The following ARSG variants were observed in gnomAD, a reference collection of about 807,000 sequenced individuals.
The protein encoded by ARSG is ASG.
Under a neutral mutation model 50.5 loss-of-function variants are expected in ARSG, and 37 were observed. That is an observed-to-expected ratio of 0.73 (90% CI 0.56 to 0.96). The LOEUF is 0.96. Among genes scored for constraint, ARSG ranks in the 50% least tolerant of loss-of-function variants. ARSG has a pLI of 0.00. For synonymous variants in ARSG, 225 were observed against 254.6 expected, an observed-to-expected ratio of 0.88 and a Z score of 1.11; for missense variants, 629 against 675.3, an observed-to-expected ratio of 0.93 and a Z score of 0.76.
intron 8 of ARSG, among the ~76,000 whole-genome samples, chr17:68,379,157 G>A (rs899038585): frequency 1.3e-5 from 2 of 152,210 alleles, no homozygotes; most frequent in Admixed American, 1.3e-4. Flanking sequence ...ATAGAGGCCA[G>A]GCCGCCCTGT....
At chr17:68,349,256 C>T (rs938165576) in intron 4 of ARSG, among the ~76,000 whole-genome samples, 1 of 151,850 alleles carries the variant, frequency 6.6e-6, no homozygotes, top group Non-Finnish European at 1.5e-5. Context: ...TGAGATTGCA[C>T]CACTCCAGCC....
At chr17:68,279,577 C>T (rs1413603790) in intron 1 of ARSG, among the ~76,000 whole-genome samples, 3 of 152,114 alleles carry the variant, frequency 2.0e-5, no homozygotes, top group Admixed American at 6.6e-5. Flanking sequence ...GCCTGTAGGG[C>T]CCCATCTGGA....
intron 2 of ARSG, among the ~76,000 whole-genome samples, chr17:68,334,349 T>G (rs2077917070): frequency 6.6e-6 from 1 of 152,188 alleles, no homozygotes; most frequent in Non-Finnish European, 1.5e-5. Flanking sequence ...AGCCTTGTTA[T>G]GTGGTACGAA....
intron 11 of ARSG, among the ~76,000 whole-genome samples, chr17:68,405,038 T>C (rs981569751): frequency 1.2e-4 from 18 of 152,278 alleles, no homozygotes; most frequent in Non-Finnish European, 1.8e-4. Flanking sequence ...TCATTAGTTA[T>C]ATGTCTATGT....
chr17:68,389,486 G>A (rs1326516770), intron 9 of ARSG, among the ~76,000 whole-genome samples: 2 of 152,042 alleles, frequency 1.3e-5, no homozygotes, highest in East Asian at 1.9e-4. Context: ...CACTTTTCTC[G>A]GGGATAATGA....
chr17:68,363,014 G>A (rs544288887), intron 6 of ARSG, among the ~76,000 whole-genome samples: 1 of 152,276 alleles, frequency 6.6e-6, no homozygotes, highest in Admixed American at 6.5e-5. Flanking sequence ...GGATTCAAAC[G>A]TGAATTAGAC....
At chr17:68,264,944 A>C (rs1264242512) in intron 1 of ARSG, among the ~76,000 whole-genome samples, 1 of 151,538 alleles carries the variant, frequency 6.6e-6, no homozygotes, top group Admixed American at 6.6e-5. Context: ...ACCTGAGATC[A>C]GGAGTTTGAG....
chr17:68,304,308 C>A (rs1343922475), intron 1 of ARSG, among the ~76,000 whole-genome samples: 1 of 152,160 alleles, frequency 6.6e-6, no homozygotes, highest in Non-Finnish European at 1.5e-5. Flanking sequence ...AAGGGAGATG[C>A]CTTTGGAGTC....
chr17:68,446,306 G>A, the ARSG span, among the ~76,000 whole-genome samples: 5 of 151,906 alleles, frequency 3.3e-5, no homozygotes, highest in African/African-American at 4.8e-5. Flanking sequence ...CCAGCCTCTC[G>A]GGTGGCAGGG....
chr17:68,433,772 T>TGTTG, the ARSG span, among the ~76,000 whole-genome samples: 1 of 20,022 alleles, frequency 5.0e-5, no homozygotes, highest in African/African-American at 1.3e-4. Flanking sequence ...TTTTTTTTTT[T>TGTTG]TTTTTTTTTT....
intron 1 of ARSG, among the ~76,000 whole-genome samples, chr17:68,292,169 A>G (rs79768114): frequency 1.3e-5 from 2 of 151,900 alleles, no homozygotes; most frequent in African/African-American, 4.8e-5. Flanking sequence ...CAGCAACAGC[A>G]TCCGCGTTGC....
intron 2 of ARSG, among the ~76,000 whole-genome samples, chr17:68,327,024 C>T (rs1311894358): frequency 9.2e-5 from 14 of 152,280 alleles, no homozygotes; most frequent in Middle Eastern, 3.4e-3. Context: ...GACAGTTTCA[C>T]GTGCTTCCGA....
downstream of ARSG, chr17:68,421,961 T>A (rs1455157862): frequency 3.1e-6 from 3 of 980,116 alleles, no homozygotes; most frequent in African/African-American, 4.8e-5. Context: ...AACTCGCTCA[T>A]GGCCACAGAA....
chr17:68,288,556 T>C (rs782071419), upstream of ARSG, among the ~76,000 whole-genome samples: 30 of 152,192 alleles, frequency 2.0e-4, 1 homozygote, highest in Middle Eastern at 6.3e-3. Context: ...GCTTTACGGA[T>C]GATGGAATTT....
chr17:68,337,100 C>G (rs1365150935), intron 2 of ARSG, among the ~76,000 whole-genome samples: 1 of 152,068 alleles, frequency 6.6e-6, no homozygotes, highest in Non-Finnish European at 1.5e-5. Flanking sequence ...CTAGGCAGCC[C>G]TGATGGGTTC....
chr17:68,392,798 C>T lies in ARSG; in HGVS notation c.1092-2275C>T, dbSNP rs549729059. Among the ~76,000 whole-genome samples the T allele has an allele frequency of 3.3e-5, 5 of 152,346 alleles. No homozygotes were observed. The South Asian group carries it at 1.0e-3, about 32-fold the overall frequency. On this transcript the variant is annotated intron_variant, in intron 9 of 11. Coordinates refer to ENST00000621439, the MANE Select transcript of ARSG (RefSeq NM_001267727.2). ...TACAGGCGTGAGGCACCGCACCTGG[C>T]CGCATTCACTACTTTGTAATGGACT...
At chr17:68,343,189 T>C (rs1046639714) in intron 2 of ARSG, among the ~76,000 whole-genome samples, 4 of 152,036 alleles carry the variant, frequency 2.6e-5, no homozygotes, top group African/African-American at 4.8e-5. Flanking sequence ...GGAGTCTCGC[T>C]CCTGTCACCC....
At chr17:68,432,202 T>C in the ARSG span, among the ~76,000 whole-genome samples, 201 of 152,274 alleles carry the variant, frequency 1.3e-3, no homozygotes, top group Non-Finnish European at 1.8e-3. Flanking sequence ...CAGTGTTTCA[T>C]ACACCACTGG....
the ARSG span, among the ~76,000 whole-genome samples, chr17:68,435,206 C>CAAAAA: frequency 3.4e-4 from 48 of 139,224 alleles, no homozygotes; most frequent in East Asian, 8.2e-3. Flanking sequence ...GACTCCACCT[C>CAAAAA]AAAAAAAAAA....
Sources: gnomAD v4.1 joint callset for allele counts (sites outside exome capture counted in the v4.1 genomes callset) on GRCh38, gnomAD v4.1.1 for gene constraint, MANE v1.5 for transcripts, NCBI Gene and HGNC (gene_info 2026-07-23, HGNC 2026-07-21) for gene names.